Variants in KYAT1 observed in about 807,000 individuals in gnomAD.
The protein encoded by KYAT1 is kynurenine--oxoglutarate transaminase 1.
A neutral mutation model predicts 52.4 loss-of-function variants in KYAT1; 47 were observed. The ratio of observed to expected loss-of-function variants is 0.90; its 90% CI spans 0.71 to 1.14. KYAT1 has a LOEUF of 1.14. Among genes scored for constraint, KYAT1 ranks in the 50% most tolerant of loss-of-function variants. The probability of loss-of-function intolerance (pLI) is 0.00; values close to 1 mark genes in which losing one functional copy is unlikely to be tolerated. For synonymous variants in KYAT1, 212 were observed against 209.6 expected, an observed-to-expected ratio of 1.01 and a Z score of -0.10; for missense variants, 480 against 557.9, an observed-to-expected ratio of 0.86 and a Z score of 1.41.
At chr9:128,880,137 T>C (rs1838596656) in intron 1 of KYAT1, among the ~76,000 whole-genome samples, 1 of 152,174 alleles carries the variant, frequency 6.6e-6, no homozygotes, top group African/African-American at 2.4e-5. Context: ...GTGGTTCTGG[T>C]TGTTCATTTT....
At chr9:128,836,173 C>T in intron 7 of KYAT1, 100 bp from the exon 8 acceptor site, 1 of 939,912 alleles carries the variant, frequency 1.1e-6, no homozygotes, top group Non-Finnish European at 1.6e-6. Flanking sequence ...CTTTTGACAC[C>T]CTGGATTCCT....
chr9:128,846,659 C>T, intron 1 of KYAT1: 1 of 1,409,998 alleles, frequency 7.1e-7, no homozygotes, highest in Non-Finnish European at 9.4e-7. Flanking sequence ...TGAGAGCCAC[C>T]AAACTCAGGT....
chr9:128,843,421 T>C (rs902023449), intron 2 of KYAT1, among the ~76,000 whole-genome samples: 3 of 148,568 alleles, frequency 2.0e-5, no homozygotes, highest in Non-Finnish European at 3.0e-5. Flanking sequence ...CTCTATCCCC[T>C]AGGCTGGAGT....
At chr9:128,855,280 T>A (rs1001264929) in intron 1 of KYAT1, among the ~76,000 whole-genome samples, 5 of 152,148 alleles carry the variant, frequency 3.3e-5, no homozygotes, top group African/African-American at 7.2e-5. Context: ...CCTATGATAG[T>A]GATTTAACTG....
chr9:128,833,419 T>A lies in KYAT1; in HGVS notation c.*165A>T, dbSNP rs1830448460. On this transcript the variant is annotated 3_prime_UTR_variant, in exon 13 of 13. Transcript: ENST00000302586. ...ACAGGAGGCACTTGGTTCTCTAAGA[T>A]GAAGAAGGGCGGCTCCCACCCAGAA... 1.4e-6 allele frequency: 1 copy of A among 723,012 alleles called. No homozygotes were observed. The highest frequency in any genetic ancestry group is 2.7e-5 in the East Asian group (1 of 37,162). 44.8% of individuals were successfully genotyped at this position (723,012 alleles called of 1,614,324 possible).
At chr9:128,876,008 A>C (rs939023730) in intron 1 of KYAT1, among the ~76,000 whole-genome samples, 3 of 152,170 alleles carry the variant, frequency 2.0e-5, no homozygotes, top group Non-Finnish European at 4.4e-5. Flanking sequence ...CTCTGCCCAG[A>C]AGCCTGTGGT....
intron 1 of KYAT1, among the ~76,000 whole-genome samples, chr9:128,853,485 G>T (rs1834206296): frequency 6.6e-6 from 1 of 152,194 alleles, no homozygotes; most frequent in South Asian, 2.1e-4. Context: ...CATTGTTTCA[G>T]ATTCTGCATA....
chr9:128,871,166 A>C (rs1362360095), intron 1 of KYAT1, among the ~76,000 whole-genome samples: 1 of 151,938 alleles, frequency 6.6e-6, no homozygotes, highest in African/African-American at 2.4e-5. Context: ...AAAATGCAAA[A>C]AATTAGCTGG....
upstream of KYAT1, chr9:128,882,509 A>C (rs1332079362): frequency 2.6e-6 from 1 of 391,540 alleles, no homozygotes; most frequent in Admixed American, 4.5e-5. Flanking sequence ...CTTGTGCTTC[A>C]GAAACCAGGA....
chr9:128,861,021 C>A (rs1564486455), intron 1 of KYAT1, among the ~76,000 whole-genome samples: 1 of 152,188 alleles, frequency 6.6e-6, no homozygotes, highest in African/African-American at 2.4e-5. Flanking sequence ...CACACAGACC[C>A]TAAGGGAACA....
chr9:128,851,845 A>C (rs1228129022), intron 1 of KYAT1, among the ~76,000 whole-genome samples: 1 of 152,192 alleles, frequency 6.6e-6, no homozygotes, highest in Non-Finnish European at 1.5e-5. Flanking sequence ...ATATATCCTG[A>C]AACATTAAAA....
At position 128,836,062 on chromosome 9, in the gene KYAT1, C is replaced by T. The variant is rs778498750; in HGVS notation, c.700G>A (p.Gly234Ser). The change falls in exon 8 of 13, where the codon GGC becomes AGC. Residue 234 changes from glycine to serine, a missense_variant. Physicochemically the swap from Gly to Ser is moderately conservative, Grantham distance 56. Transcript: ENST00000302586. Reference sequence around the variant, plus strand: ...ATGGTCAGGGTCCGTTCCCACATGCCAGGGAGGCTGGCTGCCCAAGGCCGA... The same window carrying T: ...ATGGTCAGGGTCCGTTCCCACATGCTAGGGAGGCTGGCTGCCCAAGGCCGA... ...HQHISIASLPGMWERTLTIGS... is the reference protein window; with the variant it reads ...HQHISIASLPSMWERTLTIGS... 3 of 1,613,856 alleles carry T rather than the reference C, an allele frequency of 1.9e-6. No individual in the cohort carries two copies. Among genetic ancestry groups the T allele is most frequent in the Non-Finnish European group, 2.5e-6 (3 of 1,179,800 alleles).
At chr9:128,880,777 A>G (rs1838736478) in intron 1 of KYAT1, among the ~76,000 whole-genome samples, 1 of 151,908 alleles carries the variant, frequency 6.6e-6, no homozygotes. Flanking sequence ...TAACCTCTCT[A>G]AGGTTCTTTT....
chr9:128,842,059 A>G, intron 3 of KYAT1: 1 of 259,994 alleles, frequency 3.8e-6, no homozygotes, highest in Non-Finnish European at 7.8e-6. Context: ...GGGCATGGTG[A>G]TGCACACCTG....
intron 1 of KYAT1, among the ~76,000 whole-genome samples, chr9:128,871,996 G>A (rs1036650629): frequency 5.3e-5 from 8 of 151,806 alleles, no homozygotes; most frequent in African/African-American, 1.9e-4. Flanking sequence ...GGGCATAGTG[G>A]CACACGCCTG....
At chr9:128,845,751 C>G (rs1249508601) in intron 1 of KYAT1, among the ~76,000 whole-genome samples, 1 of 152,182 alleles carries the variant, frequency 6.6e-6, no homozygotes, top group Non-Finnish European at 1.5e-5. Context: ...TCAGGAAGGG[C>G]TGAGGGTTAA....
rs758000231 is a variant in KYAT1, at chr9:128,836,852, T to C, written c.638A>G (p.Asp213Gly). The change falls in exon 7 of 13, where the codon GAT becomes GGT. Residue 213 changes from aspartate (D) to glycine (G), a missense_variant. Transcript: ENST00000302586. ...GTAGACCATCCACTGGTAGACTTCA[T>C]CAGTGATACACACCACGTCATGCTG... The part of the protein sequence containing the change: ...CQQHDVVCIT[D>G]EVYQWMVYDG... 5 of 1,613,858 alleles carry C rather than the reference T, an allele frequency of 3.1e-6. No individual in the cohort carries two copies. In the African/African-American group the frequency reaches 6.7e-5, roughly 22 times the overall value.
intron 1 of KYAT1, among the ~76,000 whole-genome samples, chr9:128,869,566 T>C (rs1383559085): frequency 6.6e-6 from 1 of 152,158 alleles, no homozygotes; most frequent in African/African-American, 2.4e-5. Flanking sequence ...CCTCGTTCCA[T>C]CTACAAAAAT....
At chr9:128,881,250 T>A (rs1346664506) in intron 1 of KYAT1, among the ~76,000 whole-genome samples, 1 of 151,976 alleles carries the variant, frequency 6.6e-6, no homozygotes, top group Non-Finnish European at 1.5e-5. Context: ...CCGGCTGATT[T>A]TTTTGTATTT....
Sources: gnomAD v4.1 joint callset for allele counts (sites outside exome capture counted in the v4.1 genomes callset) on GRCh38, gnomAD v4.1.1 for gene constraint, MANE v1.5 for transcripts, NCBI Gene and HGNC (gene_info 2026-07-23, HGNC 2026-07-21) for gene names.